RALGDS: variants seen among roughly 807,000 people sequenced by gnomAD.
The protein encoded by RALGDS is ral guanine nucleotide dissociation stimulator.
A neutral mutation model predicts 99.8 loss-of-function variants in RALGDS; 44 were observed. The ratio of observed to expected loss-of-function variants is 0.44; its 90% CI spans 0.35 to 0.57. The LOEUF (loss-of-function observed/expected upper bound fraction) is 0.57, where lower values mean the gene tolerates loss of function less well. RALGDS is among the 20% of genes least tolerant of loss of function. The pLI is 0.01. For missense variants in RALGDS, 1,022 were observed against 1,203.1 expected (o/e 0.85, Z 2.23); for synonymous variants, 529 against 505.0 (o/e 1.05, Z -0.64).
rs1179399566 is a variant in RALGDS, at chr9:133,121,124, C to G, written c.31G>C (p.Gly11Arg). ...AGCGGCTCGGCGCCGCCAGCAGGCC[C>G]GGCCGCCTCGGCCCACATGCGCTGC... MVQRMWAEAAGPAGGAEPLFP... is the reference protein window; with the variant it reads MVQRMWAEAARPAGGAEPLFP... Residue 11 changes from glycine (G) to arginine (R), a missense_variant, in exon 1 of 18, where the codon GGG (glycine) becomes CGG (arginine). This residue lies in a region of RALGDS where 180 missense variants were observed against 169.3 expected (regional missense o/e 1.06). Coordinates refer to ENST00000372050, the MANE Select transcript of RALGDS (RefSeq NM_006266.4). The G allele has an allele frequency of 4.1e-6, 6 of 1,455,320 alleles. No individual in the cohort carries two copies. Among genetic ancestry groups the G allele is most frequent in the Non-Finnish European group, 1.8e-6 (2 of 1,108,726 alleles). 90.2% of individuals were successfully genotyped at this position (1,455,320 alleles called of 1,614,324 possible). A position where few individuals can be genotyped will look rare whatever the true frequency, so the allele number is the denominator to read the frequency against.
chr9:133,137,954 C>T (rs772103453), intron 1 of RALGDS, among the ~76,000 whole-genome samples: 18 of 152,210 alleles, frequency 1.2e-4, no homozygotes, highest in Non-Finnish European at 2.4e-4. Flanking sequence ...AGGCCCTGGT[C>T]GCCCAGTGCG....
chr9:133,116,757 G>A (rs1184606560), intron 1 of RALGDS, among the ~76,000 whole-genome samples: 1 of 152,274 alleles, frequency 6.6e-6, no homozygotes, highest in Non-Finnish European at 1.5e-5. Context: ...TGATGGACAA[G>A]GAAACAGCCT....
At chr9:133,133,355 C>T (rs1282959995), upstream of RALGDS, among the ~76,000 whole-genome samples, 4 of 152,184 alleles carry the variant, frequency 2.6e-5, no homozygotes, top group South Asian at 2.1e-4. Flanking sequence ...GCAGGAGTCC[C>T]GAGGAGGTGG....
At chr9:133,134,549 T>C (rs1588568597), upstream of RALGDS, among the ~76,000 whole-genome samples, 1 of 152,116 alleles carries the variant, frequency 6.6e-6, no homozygotes, top group South Asian at 2.1e-4. Context: ...CAAGGCAGGG[T>C]GTAAGTCCGG....
At position 133,100,261 on chromosome 9, in the gene RALGDS, G is replaced by A; in HGVS notation, c.2569+7C>T. The A allele has an allele frequency of 1.9e-6, 3 of 1,613,508 alleles. No homozygotes were observed. The highest frequency in any genetic ancestry group is 3.3e-4 in the Middle Eastern group (2 of 6,058). ...CTCTGCCATCGCCCTCTGGTCTTCT[G>A]ACTTACTCCGGTCATCTGAGAGAAT... On this transcript the variant is annotated splice_region_variant and intron_variant, in intron 17 of 17. Coordinates refer to ENST00000372050, the MANE Select transcript of RALGDS (RefSeq NM_006266.4).
chr9:133,128,695 G>A (rs1365812080), intron 1 of RALGDS, among the ~76,000 whole-genome samples: 1 of 152,184 alleles, frequency 6.6e-6, no homozygotes, highest in East Asian at 1.9e-4. Flanking sequence ...CCTGCTCTGT[G>A]TCTTCCTAGC....
At chr9:133,137,157 C>G (rs1029782000) in intron 1 of RALGDS, among the ~76,000 whole-genome samples, 1 of 151,758 alleles carries the variant, frequency 6.6e-6, no homozygotes, top group East Asian at 1.9e-4. Context: ...CACTTGAACC[C>G]GGGAGGTAAA....
rs1335686098 is a variant in RALGDS, at chr9:133,102,910, G to A, written c.1792-10C>T. On this transcript the variant is annotated splice_polypyrimidine_tract_variant and intron_variant, in intron 12 of 17. Coordinates refer to ENST00000372050, the MANE Select transcript of RALGDS (RefSeq NM_006266.4). ...CGATCACCTCGAACTCCTGGGGCCA[G>A]AGGGAAGCACAGGGCGGTGACAAGG... 1 of 1,612,886 alleles carries A rather than the reference G, an allele frequency of 6.2e-7. No individual in the cohort carries two copies. The highest frequency in any genetic ancestry group is 1.7e-5 in the Admixed American group (1 of 60,012).
At chr9:133,117,550 G>T (rs1831671520) in intron 1 of RALGDS, among the ~76,000 whole-genome samples, 2 of 152,250 alleles carry the variant, frequency 1.3e-5, no homozygotes, top group Admixed American at 1.3e-4. Context: ...CCCGCCCGTG[G>T]GCAGCCAAGG....
At position 133,106,728 on chromosome 9, in the gene RALGDS, G is replaced by A. The variant is rs1831080809; in HGVS notation, c.1434C>T (p.Asn478=). Residue 478 remains asparagine, a synonymous_variant, in exon 8 of 18, where the codon AAC becomes AAT. Coordinates refer to ENST00000372050, the MANE Select transcript of RALGDS (RefSeq NM_006266.4). ...EVARECRILK[N]FSSLYAILSA... is the part of the protein sequence containing the mutation. ...AGAGGATGGCATACAGTGACGAGAA[G>A]TTCTTGAGGATCCGGCACTCCTGGG... is the stretch of plus-strand genomic sequence containing the variant. 1.9e-6 allele frequency: 3 copies of A among 1,612,134 alleles called. No individual in the cohort carries two copies.
intron 1 of RALGDS, among the ~76,000 whole-genome samples, chr9:133,130,001 C>T (rs1832285365): frequency 6.7e-6 from 1 of 150,078 alleles, no homozygotes; most frequent in Non-Finnish European, 1.5e-5. Flanking sequence ...GAGACATCGT[C>T]TCACTCTGTC....
chr9:133,138,643 C>CTTTG (rs571423101), intron 1 of RALGDS, among the ~76,000 whole-genome samples: 2 of 152,174 alleles, frequency 1.3e-5, no homozygotes, highest in African/African-American at 2.4e-5. Flanking sequence ...GGGCCTGGTG[C>CTTTG]TTTGTTTGTT....
Position 133,098,100 on chromosome 9 carries a change from G to C in RALGDS, c.*487C>G, listed in dbSNP as rs1439961198. ...TCCCTCACTCTCAGTTGGCCCTGAT[G>C]ATGGAATCTTTGGTGCAGCCTGAGA... On this transcript the variant is annotated 3_prime_UTR_variant, in exon 18 of 18. Transcript: ENST00000372050. 1 of 273,594 alleles carries C rather than the reference G, an allele frequency of 3.7e-6. No individual in the cohort carries two copies. Among genetic ancestry groups the C allele is most frequent in the Non-Finnish European group, 7.1e-6 (1 of 141,560 alleles). 16.9% of individuals were successfully genotyped at this position (273,594 alleles called of 1,614,324 possible).
intron 1 of RALGDS, among the ~76,000 whole-genome samples, chr9:133,119,093 G>A (rs921501089): frequency 1.3e-5 from 2 of 152,214 alleles, no homozygotes; most frequent in Non-Finnish European, 2.9e-5. Context: ...GAAGATAAGC[G>A]GAAGCCCAGA....
upstream of RALGDS, chr9:133,131,174 C>T (rs766819241): frequency 2.0e-4 from 273 of 1,341,364 alleles, no homozygotes; most frequent in Middle Eastern, 1.1e-3. Flanking sequence ...CATCCTCTTC[C>T]GGTGGCTTTG....
intron 4 of RALGDS, among the ~76,000 whole-genome samples, chr9:133,109,386 G>A (rs1288230374): frequency 1.3e-5 from 2 of 152,180 alleles, no homozygotes; most frequent in Admixed American, 1.3e-4. Flanking sequence ...AGGCTATGGT[G>A]GGATGAGTTC....
intron 1 of RALGDS, among the ~76,000 whole-genome samples, chr9:133,126,774 G>A (rs982921155): frequency 6.6e-6 from 1 of 152,246 alleles, no homozygotes; most frequent in Non-Finnish European, 1.5e-5. Context: ...ACCACAGCGA[G>A]GGACAGCGGG....
chr9:133,111,972 C>T (rs934905655), intron 2 of RALGDS, 70 bp downstream of exon 2: 1 of 1,149,290 alleles, frequency 8.7e-7, no homozygotes, highest in African/African-American at 1.5e-5. Flanking sequence ...GAACTGGGGG[C>T]CCTCAAGTGA....
In RALGDS at chr9:133,120,552, G is replaced by A. The variant is rs138392613; in HGVS notation, c.183+420C>T. 1.1e-3 allele frequency among the ~76,000 whole-genome samples: 165 copies of A among 152,066 alleles called. 1 individual carries two copies. The South Asian group carries it at 0.013, about 12-fold the overall frequency. On this transcript the variant is annotated intron_variant, in intron 1 of 17. Coordinates refer to ENST00000372050, the MANE Select transcript of RALGDS (RefSeq NM_006266.4). ...TCACCTCTGAGGATTCTAGGATTTGGCCTTCCCGACCACTTGTTCCACACC... is the reference window on the plus strand; with the variant it reads ...TCACCTCTGAGGATTCTAGGATTTGACCTTCCCGACCACTTGTTCCACACC...
Sources: gnomAD v4.1 joint callset for allele counts (sites outside exome capture counted in the v4.1 genomes callset) on GRCh38, gnomAD v4.1.1 for gene constraint, gnomAD v4.1.1 regional missense constraint, MANE v1.5 for transcripts, NCBI Gene and HGNC (gene_info 2026-07-23, HGNC 2026-07-21) for gene names.